Variants in SEC22C observed in about 807,000 individuals in gnomAD.
SEC22C encodes vesicle-trafficking protein SEC22c.
A neutral mutation model predicts 34.7 loss-of-function variants in SEC22C; 29 were observed. That is an observed-to-expected ratio of 0.84 (90% CI 0.62 to 1.14). The LOEUF (loss-of-function observed/expected upper bound fraction) is 1.14. Among genes scored for constraint, SEC22C ranks in the 50% most tolerant of loss-of-function variants. The pLI is 0.00. For synonymous variants in SEC22C, 117 were observed against 132.8 expected (o/e 0.88, Z 0.82); for missense variants, 337 against 369.0 (o/e 0.91, Z 0.71).
At chr3:42,561,917 C>CG (rs1426408519) in intron 3 of SEC22C, among the ~76,000 whole-genome samples, 2 of 151,600 alleles carry the variant, frequency 1.3e-5, no homozygotes, top group African/African-American at 2.4e-5. Flanking sequence ...TCTGATAGTA[C>CG]GGTACAACCC....
At chr3:42,590,349 C>G (rs1326717482) in intron 1 of SEC22C, among the ~76,000 whole-genome samples, 1 of 152,124 alleles carries the variant, frequency 6.6e-6, no homozygotes, top group African/African-American at 2.4e-5. Flanking sequence ...CCGAGCAAAC[C>G]GCTCCTGCAG....
intron 1 of SEC22C, among the ~76,000 whole-genome samples, chr3:42,598,941 A>ATATCTGTAGATCTATAGATCTATAG (rs1256492945): frequency 3.6e-5 from 5 of 139,972 alleles, no homozygotes; most frequent in African/African-American, 1.4e-4. Flanking sequence ...AGATATCTAG[A>ATATCTGTAGATCTATAGATCTATAG]TATCTGTAGA....
At chr3:42,575,888 G>A (rs984100365) in intron 1 of SEC22C, among the ~76,000 whole-genome samples, 4 of 152,196 alleles carry the variant, frequency 2.6e-5, no homozygotes, top group Non-Finnish European at 4.4e-5. Flanking sequence ...CTGGGAGGCC[G>A]AGGTGGGAGG....
chr3:42,568,962 C>A lies in SEC22C; in HGVS notation c.85G>T (p.Asp29Tyr). 1.9e-6 allele frequency: 3 copies of A among 1,614,156 alleles called. No homozygotes were observed. In the South Asian group the frequency reaches 3.3e-5, roughly 18 times the overall value. ...SASTDFYHTQDFLEWRRRLKS... is the reference protein window; with the variant it reads ...SASTDFYHTQYFLEWRRRLKS... ...AGCCGTCTCCTCCATTCCAAAAAAT[C>A]TTGGGTGTGGTAAAAATCAGTAGAG... The change falls in exon 2 of 7, where the codon GAT becomes TAT. Residue 29 changes from aspartate (D) to tyrosine (Y), a missense_variant. Physicochemically the swap from Asp to Tyr is radical, Grantham distance 160. Coordinates refer to ENST00000264454, the MANE Select transcript of SEC22C (RefSeq NM_032970.4).
At position 42,591,405 on chromosome 3, in the gene SEC22C, G is replaced by A. The variant is rs559580755; in HGVS notation, c.-28+9555C>T. The A allele has an allele frequency of 4.3e-5, 32 of 736,598 alleles. No homozygotes were observed. In the Admixed American group the frequency reaches 4.9e-4, roughly 11 times the overall value. The allele number at this position is 736,598 out of a possible 1,614,324, so 45.6% of individuals were successfully genotyped here. ...GTATGGGGTTTCCCCATGTTGGCCA[G>A]GCTAGTCTCGAACTCCTGACCTCGT... On this transcript the variant is annotated intron_variant, in intron 1 of 6. Coordinates refer to the SEC22C transcript ENST00000417572.
At chr3:42,588,185 T>G (rs1704687847) in intron 1 of SEC22C, among the ~76,000 whole-genome samples, 1 of 151,752 alleles carries the variant, frequency 6.6e-6, no homozygotes, top group African/African-American at 2.4e-5. Flanking sequence ...AGACAGATCA[T>G]GAGGTCAGGA....
At chr3:42,575,693 C>T (rs1020619138) in intron 1 of SEC22C, among the ~76,000 whole-genome samples, 5 of 152,186 alleles carry the variant, frequency 3.3e-5, no homozygotes, top group African/African-American at 9.7e-5. Flanking sequence ...CAATCAACTG[C>T]ACCTCAAAAA....
intron 1 of SEC22C, chr3:42,587,288 C>T (rs528537114): frequency 6.6e-6 from 1 of 152,392 alleles, no homozygotes; most frequent in South Asian, 2.1e-4. Flanking sequence ...CCTGCTTAAC[C>T]TCCACTTTGC....
rs768616348 is a variant in SEC22C, at chr3:42,589,472, C to G, written c.-28+11488G>C. On this transcript the variant is annotated intron_variant, in intron 1 of 6. Coordinates refer to the SEC22C transcript ENST00000417572. ...TCCTAAATGAAGTGGCCGCTGCTCA[C>G]TCCAGGGAAAACGAATCTTGTTACC... Among the ~76,000 whole-genome samples, 34 of 152,132 alleles carry G rather than the reference C, an allele frequency of 2.2e-4. 1 individual carries two copies. The highest frequency in any genetic ancestry group is 5.9e-5 in the Non-Finnish European group (4 of 68,030).
intron 1 of SEC22C, among the ~76,000 whole-genome samples, chr3:42,590,122 CCA>C (rs1704767413): frequency 6.6e-6 from 1 of 152,136 alleles, no homozygotes; most frequent in African/African-American, 2.4e-5. Context: ...TATTCCTGCC[CCA>C]AATAAGTCCA....
At chr3:42,570,807 T>A (rs949384897) in intron 1 of SEC22C, among the ~76,000 whole-genome samples, 2 of 152,136 alleles carry the variant, frequency 1.3e-5, no homozygotes, top group Non-Finnish European at 2.9e-5. Context: ...AAACATTTTT[T>A]AAAAAGAGTT....
At chr3:42,590,910 T>C in intron 1 of SEC22C, 2 of 1,602,004 alleles carry the variant, frequency 1.2e-6, no homozygotes, top group Non-Finnish European at 1.7e-6. Flanking sequence ...GTCGGTGGCC[T>C]TCGTACCGGA....
At chr3:42,593,246 C>T (rs558549646) in intron 1 of SEC22C, among the ~76,000 whole-genome samples, 12 of 152,172 alleles carry the variant, frequency 7.9e-5, no homozygotes, top group South Asian at 6.2e-4. Context: ...AACCCCATCT[C>T]TACTAAAAAC....
intron 2 of SEC22C, among the ~76,000 whole-genome samples, chr3:42,564,930 G>A (rs1032469888): frequency 2.6e-5 from 4 of 152,018 alleles, no homozygotes; most frequent in Admixed American, 6.6e-5. Flanking sequence ...GCTAATTTTC[G>A]TGTTTTTGTA....
Position 42,549,534 on chromosome 3 carries a change from C to CT in SEC22C, c.*3713dup. ...CTTGCTGGCCTGCTGGCTATTGTCT[C>CT]TGACTCTGAGCTGTGCTGACCACCA... On this transcript the variant is annotated 3_prime_UTR_variant, in exon 7 of 7. Coordinates refer to ENST00000264454, the MANE Select transcript of SEC22C (RefSeq NM_032970.4). 7.1e-6 allele frequency: 7 copies of CT among 983,002 alleles called. No homozygotes were observed. The highest frequency in any genetic ancestry group is 8.4e-6 in the Non-Finnish European group (7 of 829,934). The allele number at this position is 983,002 out of a possible 1,614,324, so 60.9% of individuals were successfully genotyped here. A position where few individuals can be genotyped will look rare whatever the true frequency, so the allele number is the denominator to read the frequency against.
chr3:42,585,307 G>C (rs1157459911), upstream of SEC22C, among the ~76,000 whole-genome samples: 9 of 152,290 alleles, frequency 5.9e-5, no homozygotes, highest in East Asian at 3.9e-4. Flanking sequence ...TAAAGTCCTA[G>C]CTCTCATCTC....
intron 4 of SEC22C, among the ~76,000 whole-genome samples, chr3:42,560,750 T>C (rs1288454421): frequency 6.6e-6 from 1 of 152,080 alleles, no homozygotes; most frequent in Admixed American, 6.6e-5. Context: ...GTGATTCCCC[T>C]ACTTCAGTCT....
intron 1 of SEC22C, among the ~76,000 whole-genome samples, chr3:42,592,592 C>T (rs1704888065): frequency 6.6e-6 from 1 of 152,118 alleles, no homozygotes. Flanking sequence ...ACCTACAGTC[C>T]CTCACTGAAT....
rs893028096 is a variant in SEC22C, at chr3:42,563,601, G to T, written c.268C>A (p.Leu90Met). Residue 90 changes from leucine to methionine, a missense_variant, in exon 3 of 7, where the codon CTG becomes ATG. By Grantham distance (15) the Leu-to-Met change is conservative. Transcript: ENST00000264454. ...TAGGAAGCTGTGAATTCCCACCACA[G>T]GGTCTCCAGGAAGCAGAAGGCCATG... The part of the protein sequence containing the change: ...AAMAFCFLET[L>M]WWEFTASYDT... The T allele has an allele frequency of 1.2e-6, 2 of 1,613,986 alleles. No homozygotes were observed. Among genetic ancestry groups the T allele is most frequent in the African/African-American group, 1.3e-5 (1 of 74,918 alleles).
Sources: allele counts gnomAD v4.1 joint callset (sites outside exome capture counted in the v4.1 genomes callset), GRCh38; gene constraint gnomAD v4.1.1; transcripts MANE v1.5; gene names NCBI Gene and HGNC (gene_info 2026-07-23, HGNC 2026-07-21).